Variants in NLRX1 observed in about 807,000 individuals in gnomAD.
The protein encoded by NLRX1 is NOD-like receptor X1.
Under a neutral mutation model 74.2 loss-of-function variants are expected in NLRX1, and 67 were observed. The ratio of observed to expected loss-of-function variants is 0.90; its 90% CI spans 0.74 to 1.11. The LOEUF (loss-of-function observed/expected upper bound fraction) is 1.11, where lower values mean the gene tolerates loss of function less well. Among genes scored for constraint, NLRX1 ranks in the 50% least tolerant of loss-of-function variants. The pLI is 0.00. For synonymous variants in NLRX1, 506 were observed against 559.1 expected (o/e 0.91, Z 1.34); for missense variants, 1,191 against 1,305.4 (o/e 0.91, Z 1.35).
intron 8 of NLRX1, chr11:119,181,473 G>A (rs1948836095): frequency 7.4e-6 from 4 of 542,312 alleles, no homozygotes; most frequent in South Asian, 2.1e-5. Context: ...AACCTCTCAC[G>A]TGGCTAAAAT....
At position 119,174,767 on chromosome 11, in the gene NLRX1, G is replaced by A. The variant is rs200299072; in HGVS notation, c.1164G>A (p.Thr388=). ...CCTTGCACTTCCTGCATGCCCCCAC[G>A]CCTGCTGGGCAGACCCTTACAAGCA... ...CATLHFLHAP[T]PAGQTLTSIY... The change falls in exon 6 of 10, where the codon ACG becomes ACA. Residue 388 remains threonine (T), a synonymous_variant. Transcript: ENST00000409109. 3.2e-5 allele frequency: 52 copies of A among 1,613,738 alleles called. No homozygotes were observed. Among genetic ancestry groups the A allele is most frequent in the Admixed American group, 2.0e-4 (12 of 60,012 alleles).
At position 119,178,698 on chromosome 11, in the gene NLRX1, CT is replaced by C. The variant is rs568546412; in HGVS notation, c.1672-978del. 5.4e-3 allele frequency among the ~76,000 whole-genome samples: 677 copies of C among 126,508 alleles called. 2 individuals carry two copies. The highest frequency in any genetic ancestry group is 0.011 in the African/African-American group (371 of 34,280). The allele number at this position is 126,508 out of a possible 152,430, so 83.0% of individuals were successfully genotyped here. On this transcript the variant is annotated intron_variant, in intron 6 of 9. Coordinates refer to ENST00000409109, the MANE Select transcript of NLRX1 (RefSeq NM_001282144.2). The stretch of plus-strand genomic sequence containing the variant: ...CCAGGAAAGGGCAGCACCCTGGAGG[CT>C]TTTTTTTTTTTTTTTTCTCTTGAGA...
chr11:119,176,593 G>C (rs959452420), intron 6 of NLRX1, among the ~76,000 whole-genome samples: 2 of 151,952 alleles, frequency 1.3e-5, no homozygotes. Context: ...AGGCTGAGAC[G>C]GGAGAATTGC....
In NLRX1 at chr11:119,175,121, T is replaced by G; in HGVS notation, c.1518T>G (p.Ile506Met). 5 of 1,614,156 alleles carry G rather than the reference T, an allele frequency of 3.1e-6. No homozygotes were observed. Among genetic ancestry groups the G allele is most frequent in the Non-Finnish European group, 4.2e-6 (5 of 1,180,020 alleles). Residue 506 changes from isoleucine (I) to methionine (M), a missense_variant, in exon 6 of 10, where the codon ATT becomes ATG. Coordinates refer to ENST00000409109, the MANE Select transcript of NLRX1 (RefSeq NM_001282144.2). ...AGGAATACCTGGCTGCCCTCTACAT[T>G]GTGCTGGGTTTGCGCAAGACGACCC... ...AMQEYLAALYIVLGLRKTTLQ... is the reference protein window; with the variant it reads ...AMQEYLAALYMVLGLRKTTLQ...
chr11:119,183,512 C>A lies in NLRX1; in HGVS notation c.*73C>A. On this transcript the variant is annotated 3_prime_UTR_variant, in exon 10 of 10. Coordinates refer to ENST00000409109, the MANE Select transcript of NLRX1 (RefSeq NM_001282144.2). The surrounding 1 kb of genome is among the most constrained non-coding windows in gnomAD (Gnocchi z 5.7). ...TTTCCCTCTGTGGCCTCCTGGCTTGCACTGCTCCCTCTAGAAAGATTCCTT... is the reference window on the plus strand; with the variant it reads ...TTTCCCTCTGTGGCCTCCTGGCTTGAACTGCTCCCTCTAGAAAGATTCCTT... The A allele has an allele frequency of 1.4e-6, 2 of 1,380,636 alleles. No individual in the cohort carries two copies. The highest frequency in any genetic ancestry group is 1.3e-5 in the South Asian group (1 of 79,434). 85.5% of individuals were successfully genotyped at this position (1,380,636 alleles called of 1,614,324 possible).
In NLRX1 at chr11:119,183,059, C is replaced by A; in HGVS notation, c.2607-59C>A. 1.3e-6 allele frequency: 2 copies of A among 1,484,868 alleles called. No homozygotes were observed. The highest frequency in any genetic ancestry group is 1.8e-6 in the Non-Finnish European group (2 of 1,091,636). 92.0% of individuals were successfully genotyped at this position (1,484,868 alleles called of 1,614,324 possible). Reference sequence around the variant, plus strand: ...GCCCCCTGACTTTCCATCCATCTACCCTCGGGCCCTCCTTCTCAGAGCTCT... The same window carrying A: ...GCCCCCTGACTTTCCATCCATCTACACTCGGGCCCTCCTTCTCAGAGCTCT... On this transcript the variant is annotated intron_variant, in intron 9 of 9. Transcript: ENST00000409109. The surrounding 1 kb of genome is among the most constrained non-coding windows in gnomAD (Gnocchi z 5.7).
chr11:119,171,502 T>C (rs772439934), intron 2 of NLRX1, 29 bp downstream of exon 2: 1 of 1,551,152 alleles, frequency 6.4e-7, no homozygotes, highest in Non-Finnish European at 8.9e-7. Flanking sequence ...TTTCTGTTTT[T>C]ACCTCTTTCT....
In NLRX1 at chr11:119,183,387, T is replaced by G; in HGVS notation, c.2876T>G (p.Val959Gly). The change falls in exon 10 of 10, where the codon GTG becomes GGG. Residue 959 changes from valine to glycine, a missense_variant. Coordinates refer to ENST00000409109, the MANE Select transcript of NLRX1 (RefSeq NM_001282144.2). This position sits in a 1 kb window ranked among gnomAD's most constrained non-coding sequence, Gnocchi z 5.7. ...TGGCGCAAGGCCCAGCTGCTGCGAGTGGAGGGCGAGGTCAGGGCCCTCCTG... is the reference window on the plus strand; with the variant it reads ...TGGCGCAAGGCCCAGCTGCTGCGAGGGGAGGGCGAGGTCAGGGCCCTCCTG... ...NPWRKAQLLRVEGEVRALLEQ... is the reference protein window; with the variant it reads ...NPWRKAQLLRGEGEVRALLEQ... 6.2e-7 allele frequency: 1 copy of G among 1,613,974 alleles called. No homozygotes were observed. Among genetic ancestry groups the G allele is most frequent in the Non-Finnish European group, 8.5e-7 (1 of 1,179,992 alleles).
In NLRX1 at chr11:119,181,238, T is replaced by C. The variant is rs1054576813; in HGVS notation, c.2335T>C (p.Cys779Arg). The C allele has an allele frequency of 1.9e-6, 3 of 1,612,762 alleles. No homozygotes were observed. Among genetic ancestry groups the C allele is most frequent in the Admixed American group, 3.3e-5 (2 of 59,872 alleles). Residue 779 changes from cysteine (C) to arginine (R), a missense_variant, in exon 8 of 10, where the codon TGC becomes CGC. Cys to Arg is a radical substitution (Grantham distance 180). Transcript: ENST00000409109. ...DLRDLLLHDQ[C>R]QITTLRLSNN... ...CCGAGACCTGTTGCTGCATGACCAGTGCCAAATTACCACACTGCGGTGAGT... is the reference window on the plus strand; with the variant it reads ...CCGAGACCTGTTGCTGCATGACCAGCGCCAAATTACCACACTGCGGTGAGT...
intron 8 of NLRX1, 136 bp from the exon 9 acceptor site, chr11:119,181,958 C>T: frequency 2.0e-6 from 2 of 1,008,226 alleles, no homozygotes; most frequent in Non-Finnish European, 3.0e-6. Flanking sequence ...CCTCTTGCCC[C>T]ATGCAGGGCC....
chr11:119,182,830 T>A (rs1391980067), intron 9 of NLRX1, among the ~76,000 whole-genome samples: 1 of 149,920 alleles, frequency 6.7e-6, no homozygotes, highest in East Asian at 2.0e-4. Context: ...GAGGTTGCAG[T>A]AAGCCGAGAT....
intron 1 of NLRX1, among the ~76,000 whole-genome samples, chr11:119,170,041 G>A (rs570781764): frequency 3.1e-4 from 45 of 146,008 alleles, no homozygotes; most frequent in African/African-American, 1.1e-3. Context: ...AAAATTGGTT[G>A]GGACTCTAAC....
rs1948619870 is a variant in NLRX1, at chr11:119,173,893, T to C, written c.644T>C (p.Leu215Pro). 5 of 1,613,530 alleles carry C rather than the reference T, an allele frequency of 3.1e-6. No individual in the cohort carries two copies. The highest frequency in any genetic ancestry group is 4.2e-6 in the Non-Finnish European group (5 of 1,180,032). Residue 215 changes from leucine to proline, a missense_variant, in exon 5 of 10, where the codon CTT becomes CCT. By Grantham distance (98) the Leu-to-Pro change is moderately conservative. Transcript: ENST00000409109. This position sits in a 1 kb window ranked among gnomAD's most constrained non-coding sequence, Gnocchi z 4.0. ...CCTGCCCCAGCCTCCCTGTGCCAAC[T>C]TGTGGCCCAGCGCTACACGCCCCTG... is the stretch of plus-strand genomic sequence containing the variant. ...LGPAPASLCQ[L>P]VAQRYTPLKE...
At chr11:119,171,562 C>A (rs537251271) in intron 2 of NLRX1, 89 bp downstream of exon 2, 2 of 896,614 alleles carry the variant, frequency 2.2e-6, no homozygotes, top group South Asian at 1.4e-5. Context: ...GATCCAGACA[C>A]CAGGTGCACT....
At position 119,182,295 on chromosome 11, in the gene NLRX1, C is replaced by T; in HGVS notation, c.2556C>T (p.Ala852=). The T allele has an allele frequency of 6.2e-7, 1 of 1,613,468 alleles. No individual in the cohort carries two copies. Among genetic ancestry groups the T allele is most frequent in the Non-Finnish European group, 8.5e-7 (1 of 1,179,998 alleles). The part of the protein sequence containing the change: ...VAYNGAGDTA[A]LALARAAREH... ...ACAACGGTGCTGGTGACACAGCGGC[C>T]CTGGCCCTGGCCAGAGCTGCCCGGG... The change falls in exon 9 of 10, where the codon GCC becomes GCT. Residue 852 remains alanine, a synonymous_variant. Coordinates refer to ENST00000409109, the MANE Select transcript of NLRX1 (RefSeq NM_001282144.2).
rs1948601559 is a variant in NLRX1 at position 119,173,340 on chromosome 11, G to A, written c.230-139G>A. 1.2e-5 allele frequency: 11 copies of A among 913,026 alleles called. No individual in the cohort carries two copies. The highest frequency in any genetic ancestry group is 3.5e-4 in the Middle Eastern group (1 of 2,872). The allele number at this position is 913,026 out of a possible 1,614,324, so 56.6% of individuals were successfully genotyped here. ...TCTGGACAGTCTATATTTTCTCAGG[G>A]AGTCTTGTGTGCCCACCATTGTGGG... On this transcript the variant is annotated intron_variant, in intron 4 of 9. Transcript: ENST00000409109. The surrounding 1 kb of genome is among the most constrained non-coding windows in gnomAD (Gnocchi z 4.0).
Position 119,173,544 on chromosome 11 carries a change from C to T in NLRX1, c.295C>T (p.Gln99Ter), listed in dbSNP as rs1428104759. The change falls in exon 5 of 10, where the codon CAG (glutamine) becomes TAG (stop). Residue 99 changes from glutamine (Q) to a stop codon, truncating the protein, a stop_gained. Transcript: ENST00000409109. LOFTEE classifies it high-confidence loss of function. The surrounding 1 kb of genome is among the most constrained non-coding windows in gnomAD (Gnocchi z 4.0). ...WFSRLPREER[Q>*]FGPTFALDTV... ...CAGCCGGCTGCCCAGGGAGGAGCGCCAGTTTGGCCCAACCTTTGCCCTAGA... is the reference window on the plus strand; with the variant it reads ...CAGCCGGCTGCCCAGGGAGGAGCGCTAGTTTGGCCCAACCTTTGCCCTAGA... 1.2e-6 allele frequency: 2 copies of T among 1,614,158 alleles called. No individual in the cohort carries two copies. The highest frequency in any genetic ancestry group is 2.2e-5 in the South Asian group (2 of 91,088).
At position 119,179,719 on chromosome 11, in the gene NLRX1, G is replaced by C. The variant is rs201906141; in HGVS notation, c.1698G>C (p.Met566Ile). The change falls in exon 7 of 10, where the codon ATG (methionine) becomes ATC (isoleucine). Residue 566 changes from methionine to isoleucine, a missense_variant. Met to Ile is a conservative substitution (Grantham distance 10, BLOSUM62 1). Coordinates refer to ENST00000409109, the MANE Select transcript of NLRX1 (RefSeq NM_001282144.2). ...IKVVPRVFGRMVGKSREAVAQ... is the reference protein window; with the variant it reads ...IKVVPRVFGRIVGKSREAVAQ... ...TGGTTCCACGAGTGTTTGGGCGCATGGTGGGTAAAAGCCGGGAGGCGGTGG... is the reference window on the plus strand; with the variant it reads ...TGGTTCCACGAGTGTTTGGGCGCATCGTGGGTAAAAGCCGGGAGGCGGTGG... 6.2e-7 allele frequency: 1 copy of C among 1,608,146 alleles called. No individual in the cohort carries two copies. The highest frequency in any genetic ancestry group is 8.5e-7 in the Non-Finnish European group (1 of 1,175,878).
rs762365380 is a variant in NLRX1 at position 119,174,910 on chromosome 11, G to A, written c.1307G>A (p.Gly436Glu). The change falls in exon 6 of 10, where the codon GGG (glycine) becomes GAG (glutamate). Residue 436 changes from glycine (G) to glutamate (E), a missense_variant. Physicochemically the swap from Gly to Glu is moderately conservative, Grantham distance 98. Transcript: ENST00000409109. ...ARTMGKLAYE[G>E]VSSRKTYFSE... The stretch of plus-strand genomic sequence containing the variant: ...ACCATGGGCAAGTTGGCCTATGAGG[G>A]GGTGTCCTCCCGCAAGACCTACTTC... 6.2e-7 allele frequency: 1 copy of A among 1,613,952 alleles called. No individual in the cohort carries two copies.
Sources: gnomAD v4.1 joint callset for allele counts (sites outside exome capture counted in the v4.1 genomes callset) on GRCh38, gnomAD v4.1.1 for gene constraint, Gnocchi (gnomAD v3.1) non-coding constraint, MANE v1.5 for transcripts, NCBI Gene and HGNC (gene_info 2026-07-23, HGNC 2026-07-21) for gene names.